Variants in C3orf22 observed in about 807,000 individuals in gnomAD.
C3orf22 encodes the protein uncharacterized protein C3orf22.
A neutral mutation model predicts 10.8 loss-of-function variants in C3orf22; 7 were observed. That is an observed-to-expected ratio of 0.65 (90% CI 0.37 to 1.22). The LOEUF (loss-of-function observed/expected upper bound fraction) is 1.22, where lower values mean the gene tolerates loss of function less well. Ranked by LOEUF, C3orf22 falls within the 50% of genes most tolerant of loss-of-function variation. C3orf22 has a pLI of 0.02. For synonymous variants in C3orf22, 79 were observed against 78.9 expected, an observed-to-expected ratio of 1.00 and a Z score of 0.00; for missense variants, 173 against 177.0, an observed-to-expected ratio of 0.98 and a Z score of 0.13.
intron 4 of C3orf22, among the ~76,000 whole-genome samples, chr3:126,530,217 G>C (rs953662811): frequency 6.6e-6 from 1 of 152,246 alleles, no homozygotes; most frequent in Non-Finnish European, 1.5e-5. Context: ...GGATGGAGGC[G>C]GCCCAGCCCT....
At chr3:126,553,220 A>T in intron 2 of C3orf22, 82 bp downstream of exon 2, 1 of 991,492 alleles carries the variant, frequency 1.0e-6, no homozygotes, top group Non-Finnish European at 1.6e-6. Flanking sequence ...CTGCAGCCCC[A>T]CAGAATGCAT....
chr3:126,528,416 C>T (rs1299236083), intron 5 of C3orf22, among the ~76,000 whole-genome samples: 3 of 152,098 alleles, frequency 2.0e-5, no homozygotes, highest in East Asian at 1.9e-4. Flanking sequence ...TAAAGAGTGC[C>T]GTGGCTGGAG....
downstream of C3orf22, among the ~76,000 whole-genome samples, chr3:126,548,057 C>A (rs765077818): frequency 6.6e-6 from 1 of 152,204 alleles, no homozygotes; most frequent in Non-Finnish European, 1.5e-5. Context: ...TGCAGTGGTG[C>A]GATCTCAGCT....
chr3:126,544,423 G>A (rs1183929934), intron 4 of C3orf22, among the ~76,000 whole-genome samples: 1 of 152,236 alleles, frequency 6.6e-6, no homozygotes, highest in Non-Finnish European at 1.5e-5. Context: ...AGGGACTAAG[G>A]TACTGGGCCA....
At chr3:126,536,937 A>T (rs1936808953) in intron 4 of C3orf22, among the ~76,000 whole-genome samples, 1 of 147,566 alleles carries the variant, frequency 6.8e-6, no homozygotes, top group South Asian at 2.2e-4. Context: ...CACACACACA[A>T]GTACTTATTC....
chr3:126,547,208 G>A (rs1359320950), downstream of C3orf22, among the ~76,000 whole-genome samples: 1 of 152,214 alleles, frequency 6.6e-6, no homozygotes, highest in Non-Finnish European at 1.5e-5. Flanking sequence ...GCAGGGCACA[G>A]GGCCCATGTT....
chr3:126,542,104 C>G, intron 4 of C3orf22: 1 of 1,581,830 alleles, frequency 6.3e-7, no homozygotes. Flanking sequence ...CATCGGCTTA[C>G]CGCAACAAGC....
In C3orf22 at chr3:126,549,936, T is replaced by C; in HGVS notation, c.358A>G (p.Thr120Ala). The C allele has an allele frequency of 6.2e-7, 1 of 1,613,560 alleles. No homozygotes were observed. The highest frequency in any genetic ancestry group is 1.7e-5 in the Admixed American group (1 of 59,978). Reference protein sequence around the residue: ...FPRQLAFLLSTRHTEAACPQT... With the variant: ...FPRQLAFLLSARHTEAACPQT... ...GGGCAGGCAGCCTCAGTGTGCCGGGTGGACAGCAGGAAGGCGAGTTGTCTG... is the reference window on the plus strand; with the variant it reads ...GGGCAGGCAGCCTCAGTGTGCCGGGCGGACAGCAGGAAGGCGAGTTGTCTG... Residue 120 changes from threonine (T) to alanine (A), a missense_variant, in exon 4 of 4, where the codon ACC becomes GCC. Coordinates refer to ENST00000318225, the MANE Select transcript of C3orf22 (RefSeq NM_152533.3).
At chr3:126,537,479 G>A (rs2107569365) in intron 4 of C3orf22, among the ~76,000 whole-genome samples, 1 of 152,300 alleles carries the variant, frequency 6.6e-6, no homozygotes, top group East Asian at 1.9e-4. Context: ...TGGGTAGGTG[G>A]CTGCTCCCCA....
chr3:126,557,837 T>C (rs1937387773), intron 1 of C3orf22, among the ~76,000 whole-genome samples: 1 of 152,140 alleles, frequency 6.6e-6, no homozygotes, highest in African/African-American at 2.4e-5. Context: ...CCCACTAGTC[T>C]AGTACAGGGT....
rs763223860 is a variant in C3orf22 at position 126,536,279 on chromosome 3, A to G, written c.287-6907T>C. 1.9e-6 allele frequency: 3 copies of G among 1,613,866 alleles called. No homozygotes were observed. The South Asian group carries it at 3.3e-5, about 18-fold the overall frequency. The stretch of plus-strand genomic sequence containing the variant: ...TCTCCTTATGCCCACAGCATTTGGA[A>G]ACAGAGCCCTGGGCTCCAGCTGGCT... On this transcript the variant is annotated intron_variant and NMD_transcript_variant, in intron 4 of 5. Transcript: ENST00000505070.
intron 3 of C3orf22, among the ~76,000 whole-genome samples, chr3:126,551,426 C>T (rs1484891403): frequency 6.6e-6 from 1 of 152,218 alleles, no homozygotes; most frequent in Non-Finnish European, 1.5e-5. Flanking sequence ...CTGTTTCTTT[C>T]TCCACATCTG....
At chr3:126,527,201 C>G (rs1204999080) in exon 6 of C3orf22, 3 of 152,396 alleles carry the variant, frequency 2.0e-5, no homozygotes, top group Non-Finnish European at 4.4e-5. Flanking sequence ...CATCCCAGCC[C>G]CTGCTCACCC....
chr3:126,532,942 C>T (rs1242594546), intron 4 of C3orf22, among the ~76,000 whole-genome samples: 1 of 152,170 alleles, frequency 6.6e-6, no homozygotes, highest in African/African-American at 2.4e-5. Flanking sequence ...TTTCTTTCAA[C>T]GATGTCTCAT....
intron 4 of C3orf22, among the ~76,000 whole-genome samples, chr3:126,532,446 T>C (rs527356485): frequency 6.6e-6 from 1 of 152,348 alleles, no homozygotes; most frequent in African/African-American, 2.4e-5. Context: ...AGTTTTTGTA[T>C]GTGGTATGAA....
intron 3 of C3orf22, 94 bp from the exon 4 acceptor site, chr3:126,550,172 G>T: frequency 7.1e-7 from 1 of 1,400,742 alleles, no homozygotes. Context: ...CCACATCTGG[G>T]AGGGCTCCAA....
rs113398537 is a variant in C3orf22 at position 126,551,375 on chromosome 3, C to T, written c.215+622G>A. Among the ~76,000 whole-genome samples the T allele has an allele frequency of 3.3e-3, 501 of 152,286 alleles. 5 individuals carry two copies. Among genetic ancestry groups the T allele is most frequent in the African/African-American group, 0.011 (474 of 41,548 alleles). On this transcript the variant is annotated intron_variant, in intron 3 of 3. Coordinates refer to ENST00000318225, the MANE Select transcript of C3orf22 (RefSeq NM_152533.3). ...GCCCTTCGGTGCCACACAGCTGTTC[C>T]CCGTGCCGTGCATGACTGAGGAGAC...
chr3:126,549,261 C>CA (rs1491439136), downstream of C3orf22, among the ~76,000 whole-genome samples: 2 of 144,424 alleles, frequency 1.4e-5, no homozygotes, highest in African/African-American at 5.4e-5. Flanking sequence ...GCCCCCCCCC[C>CA]CACACACACA....
intron 4 of C3orf22, chr3:126,542,567 C>A (rs1369905045): frequency 6.7e-7 from 1 of 1,494,362 alleles, no homozygotes; most frequent in Non-Finnish European, 8.9e-7. Flanking sequence ...CTCCTACCTG[C>A]GGCTGCTCTA....
Sources: allele counts gnomAD v4.1 joint callset (sites outside exome capture counted in the v4.1 genomes callset), GRCh38; gene constraint gnomAD v4.1.1; transcripts MANE v1.5; gene names NCBI Gene and HGNC (gene_info 2026-07-23, HGNC 2026-07-21).